The following TSGA10 variants were observed in gnomAD, a reference collection of about 807,000 sequenced individuals.
TSGA10 encodes the protein testis specific 10.
A neutral mutation model predicts 96.6 loss-of-function variants in TSGA10; 43 were observed. That is an observed-to-expected ratio of 0.44 (90% CI 0.35 to 0.57). The LOEUF is 0.57. Among genes scored for constraint, TSGA10 ranks in the 20% least tolerant of loss-of-function variants. TSGA10 has a pLI of 0.01. For synonymous variants in TSGA10, 229 were observed against 269.9 expected, an observed-to-expected ratio of 0.85 and a Z score of 1.48; for missense variants, 703 against 834.4, an observed-to-expected ratio of 0.84 and a Z score of 1.94.
At chr2:99,048,527 T>C (rs1011557789) in intron 16 of TSGA10, among the ~76,000 whole-genome samples, 2 of 152,180 alleles carry the variant, frequency 1.3e-5, no homozygotes, top group Non-Finnish European at 2.9e-5. Context: ...TGGCTAGCCA[T>C]ATGCAGAAAA....
At chr2:99,002,699 T>A (rs1306036183) in intron 20 of TSGA10, among the ~76,000 whole-genome samples, 2 of 151,994 alleles carry the variant, frequency 1.3e-5, no homozygotes, top group African/African-American at 2.4e-5. Context: ...GCAAATTGGA[T>A]AAAGAGTCAA....
intron 10 of TSGA10, among the ~76,000 whole-genome samples, chr2:99,092,680 G>A (rs957694887): frequency 3.3e-5 from 5 of 152,076 alleles, no homozygotes; most frequent in East Asian, 3.9e-4. Flanking sequence ...TAGAGGAGAC[G>A]GATAAATTCC....
At chr2:99,050,758 A>ATTTT (rs2083317701) in intron 16 of TSGA10, among the ~76,000 whole-genome samples, 1 of 152,172 alleles carries the variant, frequency 6.6e-6, no homozygotes, top group Non-Finnish European at 1.5e-5. Context: ...AGGAACAAAA[A>ATTTT]GGCATAAGTC....
In TSGA10 at chr2:98,997,996, G is replaced by A. The variant is rs1335112537; in HGVS notation, c.*201C>T. 1.9e-6 allele frequency: 1 copy of A among 520,216 alleles called. No individual in the cohort carries two copies. The highest frequency in any genetic ancestry group is 2.0e-5 in the African/African-American group (1 of 50,842). 32.2% of individuals were successfully genotyped at this position (520,216 alleles called of 1,614,324 possible). ...CACTATCACTGCATGGATAGAAAGAGCCATATACATTTTTGTTTTTATAAG... is the reference window on the plus strand; with the variant it reads ...CACTATCACTGCATGGATAGAAAGAACCATATACATTTTTGTTTTTATAAG... On this transcript the variant is annotated 3_prime_UTR_variant, in exon 21 of 21. Coordinates refer to ENST00000393483, the MANE Select transcript of TSGA10 (RefSeq NM_025244.4).
chr2:99,035,407 C>G lies in TSGA10; in HGVS notation c.1437G>C (p.Gln479His), dbSNP rs374841337. ...CAACAGATTTATGTAAGGTAGAAAT[C>G]TGGGACTTGTAAGACCTTTCTGCAT... is the stretch of plus-strand genomic sequence containing the variant. ...HLNAERSYKS[Q>H]ISTLHKSVVK... The change falls in exon 17 of 21, where the codon CAG becomes CAC. Residue 479 changes from glutamine (Q) to histidine (H), a missense_variant. By Grantham distance (24) the Gln-to-His change is conservative (BLOSUM62 0). Coordinates refer to ENST00000393483, the MANE Select transcript of TSGA10 (RefSeq NM_025244.4). 6.2e-7 allele frequency: 1 copy of G among 1,612,072 alleles called. No homozygotes were observed. Among genetic ancestry groups the G allele is most frequent in the Non-Finnish European group, 8.5e-7 (1 of 1,178,946 alleles).
At chr2:99,143,191 G>C (rs1054495398) in intron 1 of TSGA10, among the ~76,000 whole-genome samples, 3 of 138,392 alleles carry the variant, frequency 2.2e-5, no homozygotes, top group Non-Finnish European at 4.6e-5. Flanking sequence ...GCCCAGGCTG[G>C]AGTGCAGTGG....
chr2:99,093,810 G>A (rs2089670444), intron 10 of TSGA10, among the ~76,000 whole-genome samples: 1 of 152,052 alleles, frequency 6.6e-6, no homozygotes, highest in Non-Finnish European at 1.5e-5. Context: ...TCAAAAATGT[G>A]AAAATGAACC....
chr2:99,096,243 A>G (rs376757683), intron 10 of TSGA10, among the ~76,000 whole-genome samples: 112 of 152,384 alleles, frequency 7.3e-4, no homozygotes, highest in African/African-American at 2.5e-3. Context: ...TAGTTTGAAC[A>G]GTGCTTGCCG....
intron 20 of TSGA10, among the ~76,000 whole-genome samples, chr2:99,006,929 A>G (rs993124206): frequency 2.3e-4 from 35 of 152,358 alleles, no homozygotes; most frequent in African/African-American, 7.9e-4. Flanking sequence ...GATTAAGAAA[A>G]CGTGGCATAT....
rs1234628290 is a variant in TSGA10 at position 99,018,569 on chromosome 2, G to A, written c.1889C>T (p.Thr630Ile). 6.2e-7 allele frequency: 1 copy of A among 1,613,852 alleles called. No individual in the cohort carries two copies. Among genetic ancestry groups the A allele is most frequent in the Non-Finnish European group, 8.5e-7 (1 of 1,179,986 alleles). ...GCGCTCTGTTCCTAGTTGTCTTTTG[G>A]TAATGTCTAAATCAGCTTCCAATTG... is the stretch of plus-strand genomic sequence containing the variant. ...VTQLEADLDI[T>I]KRQLGTERFE... is the part of the protein sequence containing the mutation. The change falls in exon 19 of 21, where the codon ACC becomes ATC. Residue 630 changes from threonine to isoleucine, a missense_variant. Around this residue, in one of 3 missense-constraint regions of TSGA10, gnomAD observed 49 missense variants for 96.4 expected, o/e 0.51. Coordinates refer to ENST00000393483, the MANE Select transcript of TSGA10 (RefSeq NM_025244.4).
intron 4 of TSGA10, among the ~76,000 whole-genome samples, chr2:99,114,569 A>C (rs1308388797): frequency 6.6e-6 from 1 of 152,000 alleles, no homozygotes; most frequent in African/African-American, 2.4e-5. Context: ...CCTCAAATAC[A>C]CCCAACATTC....
chr2:99,010,377 C>T (rs2078902664), intron 20 of TSGA10, among the ~76,000 whole-genome samples: 1 of 152,206 alleles, frequency 6.6e-6, no homozygotes, highest in Admixed American at 6.5e-5. Flanking sequence ...AAGTGGCATG[C>T]TGCTGCCAAT....
At chr2:99,135,235 A>G (rs1465099172) in intron 1 of TSGA10, among the ~76,000 whole-genome samples, 1 of 152,116 alleles carries the variant, frequency 6.6e-6, no homozygotes, top group African/African-American at 2.4e-5. Flanking sequence ...TTTTATCTAT[A>G]AGCCCCTGAC....
At chr2:99,143,280 TACAGGCGCCC>T (rs1341356497) in intron 1 of TSGA10, among the ~76,000 whole-genome samples, 1 of 150,976 alleles carries the variant, frequency 6.6e-6, no homozygotes, top group Non-Finnish European at 1.5e-5. Context: ...TAGCTAGGAC[TACAGGCGCCC>T]ACTACTACGC....
chr2:99,025,499 C>A (rs1319467883), intron 17 of TSGA10, among the ~76,000 whole-genome samples: 1 of 152,086 alleles, frequency 6.6e-6, no homozygotes, highest in Non-Finnish European at 1.5e-5. Flanking sequence ...AGTAATTTGG[C>A]TCTGTCACTT....
At chr2:99,049,331 A>C (rs933713637) in intron 16 of TSGA10, among the ~76,000 whole-genome samples, 6 of 152,348 alleles carry the variant, frequency 3.9e-5, no homozygotes, top group Non-Finnish European at 8.8e-5. Flanking sequence ...GAACCAACTC[A>C]AATGTCCATC....
At chr2:99,055,860 CAAAAA>C (rs59969222) in intron 16 of TSGA10, among the ~76,000 whole-genome samples, 2 of 90,812 alleles carry the variant, frequency 2.2e-5, no homozygotes. Flanking sequence ...ATCCAATTAA[CAAAAA>C]AAAAAAAAAA....
chr2:99,079,709 T>C (rs1199248344), intron 11 of TSGA10, among the ~76,000 whole-genome samples: 1 of 152,210 alleles, frequency 6.6e-6, no homozygotes, highest in Non-Finnish European at 1.5e-5. Flanking sequence ...TGATCTTTAT[T>C]AGCTCTCAAG....
At chr2:99,050,710 T>C (rs2104349054) in intron 16 of TSGA10, among the ~76,000 whole-genome samples, 1 of 152,140 alleles carries the variant, frequency 6.6e-6, no homozygotes, top group East Asian at 1.9e-4. Context: ...TTAGATAATA[T>C]ACACTTAATG....
Sources: allele counts gnomAD v4.1 joint callset (sites outside exome capture counted in the v4.1 genomes callset), GRCh38; gene constraint gnomAD v4.1.1; regional missense constraint gnomAD v4.1.1; transcripts MANE v1.5; gene names NCBI Gene and HGNC (gene_info 2026-07-23, HGNC 2026-07-21).